LRP1B: variants seen among roughly 807,000 people sequenced by gnomAD.
LRP1B encodes low-density lipoprotein receptor-related protein 1B.
A neutral mutation model predicts 556.6 loss-of-function variants in LRP1B; 217 were observed. That is an observed-to-expected ratio of 0.39 (90% CI 0.35 to 0.44). The LOEUF (loss-of-function observed/expected upper bound fraction) is 0.44. Among genes scored for constraint, LRP1B ranks in the 20% least tolerant of loss-of-function variants. The probability of loss-of-function intolerance (pLI) is 1.00; values close to 1 mark genes in which losing one functional copy is unlikely to be tolerated. For synonymous variants in LRP1B, 2,047 were observed against 1,865.8 expected (o/e 1.10, Z -2.50); for missense variants, 5,053 against 5,620.8 (o/e 0.90, Z 3.23).
intron 1 of LRP1B, among the ~76,000 whole-genome samples, chr2:142,112,424 A>G (rs966184029): frequency 6.6e-6 from 1 of 152,082 alleles, no homozygotes; most frequent in African/African-American, 2.4e-5. Flanking sequence ...AGTAGTTAAA[A>G]GGAAAAAAAT....
intron 3 of LRP1B, among the ~76,000 whole-genome samples, chr2:141,324,721 G>A (rs1687374251): frequency 6.6e-6 from 1 of 151,898 alleles, no homozygotes; most frequent in Non-Finnish European, 1.5e-5. Context: ...TTACTTTCTT[G>A]TATTAAGAAA....
intron 3 of LRP1B, among the ~76,000 whole-genome samples, chr2:141,329,656 A>AAACAAAACAAAAC (rs1553497039): frequency 9.1e-4 from 37 of 40,722 alleles, no homozygotes; most frequent in African/African-American, 2.7e-3. Context: ...AAAAAAAAAA[A>AAACAAAACAAAAC]AAAAAAAAAC....
rs78958951 is a variant in LRP1B at position 141,505,627 on chromosome 2, A to G, written c.206-25094T>C. On this transcript the variant is annotated intron_variant, in intron 2 of 90. Coordinates refer to ENST00000389484, the MANE Select transcript of LRP1B (RefSeq NM_018557.3). Reference sequence around the variant, plus strand: ...TACTATAATTTTGTCCTCACTAACTAAAATTTTAATTGTCTTTTAGTTACC... The same window carrying G: ...TACTATAATTTTGTCCTCACTAACTGAAATTTTAATTGTCTTTTAGTTACC... Among the ~76,000 whole-genome samples the G allele has an allele frequency of 4.4e-3, 667 of 152,202 alleles. 8 individuals are homozygous for G. Among genetic ancestry groups the G allele is most frequent in the African/African-American group, 0.014 (596 of 41,576 alleles).
chr2:140,616,909 C>T (rs1683276980), intron 41 of LRP1B, among the ~76,000 whole-genome samples: 1 of 151,820 alleles, frequency 6.6e-6, no homozygotes, highest in South Asian at 2.1e-4. Context: ...TCCTATTAAA[C>T]TACTCAGTGA....
chr2:141,001,949 C>T (rs891139062), intron 15 of LRP1B, among the ~76,000 whole-genome samples: 1 of 152,082 alleles, frequency 6.6e-6, no homozygotes, highest in African/African-American at 2.4e-5. Flanking sequence ...TAAAGCATAT[C>T]TTTTCTCCCA....
At chr2:141,096,671 A>AGAGAGG (rs1700326184) in intron 7 of LRP1B, among the ~76,000 whole-genome samples, 2 of 130,966 alleles carry the variant, frequency 1.5e-5, no homozygotes, top group African/African-American at 2.8e-5. Flanking sequence ...AGAGAGAGAG[A>AGAGAGG]GAGAGAGAGA....
At chr2:140,499,437 CAT>C (rs1024753634) in intron 55 of LRP1B, among the ~76,000 whole-genome samples, 3 of 151,954 alleles carry the variant, frequency 2.0e-5, no homozygotes, top group East Asian at 3.9e-4. Flanking sequence ...CACACACACA[CAT>C]ATACACACAC....
intron 35 of LRP1B, among the ~76,000 whole-genome samples, chr2:140,748,841 CATGTATATAATATATAT>C: frequency 7.7e-6 from 1 of 129,786 alleles, no homozygotes; most frequent in African/African-American, 2.9e-5. Context: ...ATATTATATA[CATGTATATAATATATAT>C]ACACACACAC....
intron 7 of LRP1B, among the ~76,000 whole-genome samples, chr2:141,103,937 A>G (rs913029290): frequency 6.6e-6 from 1 of 152,038 alleles, no homozygotes; most frequent in Admixed American, 6.6e-5. Context: ...AAAGGCGTCA[A>G]TTCTATTGAG....
At chr2:141,528,012 C>T (rs1431783993) in intron 2 of LRP1B, among the ~76,000 whole-genome samples, 2 of 151,926 alleles carry the variant, frequency 1.3e-5, no homozygotes, top group Admixed American at 6.6e-5. Flanking sequence ...ATCTGCCCCT[C>T]TTCTAAAACA....
At chr2:141,615,989 T>TA (rs1187398979) in intron 2 of LRP1B, among the ~76,000 whole-genome samples, 4 of 151,872 alleles carry the variant, frequency 2.6e-5, no homozygotes, top group African/African-American at 9.7e-5. Flanking sequence ...ATCCTCGTTG[T>TA]AAAAAAAATG....
At position 141,418,480 on chromosome 2, in the gene LRP1B, G is replaced by T. The variant is rs368664970; in HGVS notation, c.343+61916C>A. On this transcript the variant is annotated intron_variant, in intron 3 of 90. Transcript: ENST00000389484. Reference sequence around the variant, plus strand: ...GATACCCAGTTACTCAACATCATTTGTTGAAGAGGCTACCCTTTCCTCATT... The same window carrying T: ...GATACCCAGTTACTCAACATCATTTTTTGAAGAGGCTACCCTTTCCTCATT... Among the ~76,000 whole-genome samples, 65 of 130,978 alleles carry T rather than the reference G, an allele frequency of 5.0e-4. 1 individual carries two copies. The highest frequency in any genetic ancestry group is 1.8e-3 in the African/African-American group (60 of 34,040). 85.9% of individuals were successfully genotyped at this position (130,978 alleles called of 152,430 possible). A position where few individuals can be genotyped will look rare whatever the true frequency, so the allele number is the denominator to read the frequency against.
intron 2 of LRP1B, among the ~76,000 whole-genome samples, chr2:141,758,684 G>T (rs996367791): frequency 6.6e-6 from 1 of 151,922 alleles, no homozygotes; most frequent in Non-Finnish European, 1.5e-5. Context: ...GGGACAAAAA[G>T]GAAAACTCTT....
chr2:140,562,311 T>C (rs1308927446), intron 43 of LRP1B, among the ~76,000 whole-genome samples: 4 of 152,162 alleles, frequency 2.6e-5, no homozygotes, highest in Admixed American at 2.0e-4. Flanking sequence ...GGTTTTGCAA[T>C]AATGGAAACT....
chr2:142,051,109 G>T (rs1408043791), intron 1 of LRP1B, among the ~76,000 whole-genome samples: 1 of 152,000 alleles, frequency 6.6e-6, no homozygotes, highest in East Asian at 1.9e-4. Flanking sequence ...ATGAACATTT[G>T]AAGAGAGTAT....
chr2:140,274,369 G>A (rs765302899), intron 85 of LRP1B, 55 bp downstream of exon 85: 4 of 1,456,966 alleles, frequency 2.7e-6, no homozygotes, highest in Non-Finnish European at 3.8e-6. Context: ...TTACTGAACT[G>A]CAATGTCCAT....
intron 7 of LRP1B, among the ~76,000 whole-genome samples, chr2:141,101,413 G>T (rs1700458579): frequency 6.6e-6 from 1 of 152,052 alleles, no homozygotes; most frequent in African/African-American, 2.4e-5. Context: ...AAAGAAAGAA[G>T]TTTAAATATA....
At position 141,480,300 on chromosome 2, in the gene LRP1B, T is replaced by C. The variant is rs143279391; in HGVS notation, c.343+96A>G. 810 of 1,266,396 alleles carry C rather than the reference T, an allele frequency of 6.4e-4. 6 individuals carry two copies. In the African/African-American group the frequency reaches 0.011, roughly 17 times the overall value. 78.4% of individuals were successfully genotyped at this position (1,266,396 alleles called of 1,614,324 possible). A position where few individuals can be genotyped will look rare whatever the true frequency, so the allele number is the denominator to read the frequency against. ...GCTTTCTTAATAACTGATATGCTTG[T>C]AGTTGAAAGAAAAGGCAGGTTATAG... On this transcript the variant is annotated intron_variant, in intron 3 of 90. Coordinates refer to ENST00000389484, the MANE Select transcript of LRP1B (RefSeq NM_018557.3).
chr2:140,992,375 CAGTTTTCTTGTT>C (rs529014448), intron 16 of LRP1B, among the ~76,000 whole-genome samples: 226 of 152,144 alleles, frequency 1.5e-3, no homozygotes, highest in African/African-American at 5.3e-3. Context: ...TAGAGGAGGT[CAGTTTTCTTGTT>C]AATTTGCTAG....
Sources: gnomAD v4.1 joint callset for allele counts (sites outside exome capture counted in the v4.1 genomes callset) on GRCh38, gnomAD v4.1.1 for gene constraint, MANE v1.5 for transcripts, NCBI Gene and HGNC (gene_info 2026-07-23, HGNC 2026-07-21) for gene names.